The following FOCAD variants were observed in gnomAD, a reference collection of about 807,000 sequenced individuals.
FOCAD encodes the protein focadhesin.
FOCAD carries 198 observed loss-of-function variants against 225.6 expected under a neutral mutation model. The ratio of observed to expected loss-of-function variants is 0.88; its 90% CI spans 0.78 to 0.99. The LOEUF (loss-of-function observed/expected upper bound fraction) is 0.99. Among genes scored for constraint, FOCAD ranks in the 50% least tolerant of loss-of-function variants. The pLI is 0.00. For missense variants in FOCAD, 2,713 were observed against 2,123.6 expected (o/e 1.28, Z -5.46); for synonymous variants, 897 against 755.0 (o/e 1.19, Z -3.08).
At chr9:20,732,530 A>G (rs1035985968) in intron 4 of FOCAD, among the ~76,000 whole-genome samples, 2 of 152,210 alleles carry the variant, frequency 1.3e-5, no homozygotes, top group East Asian at 1.9e-4. Flanking sequence ...CAGACAGTGC[A>G]GCGCATGATT....
intron 35 of FOCAD, among the ~76,000 whole-genome samples, chr9:20,955,549 T>G (rs1838060440): frequency 6.7e-6 from 1 of 150,342 alleles, no homozygotes; most frequent in Non-Finnish European, 1.5e-5. Context: ...CTATACCATG[T>G]GACATTCTTC....
At chr9:20,779,380 A>C (rs1244952574) in intron 9 of FOCAD, among the ~76,000 whole-genome samples, 1 of 151,724 alleles carries the variant, frequency 6.6e-6, no homozygotes, top group Non-Finnish European at 1.5e-5. Context: ...AATAATCCAC[A>C]TAACAATGAG....
At chr9:20,842,571 A>G (rs1192631237) in intron 15 of FOCAD, among the ~76,000 whole-genome samples, 1 of 151,788 alleles carries the variant, frequency 6.6e-6, no homozygotes, top group Admixed American at 6.6e-5. Flanking sequence ...ATTGGCATGT[A>G]CTATCTTTTC....
chr9:20,836,636 G>T (rs1826018407), intron 15 of FOCAD, among the ~76,000 whole-genome samples: 1 of 152,000 alleles, frequency 6.6e-6, no homozygotes, highest in African/African-American at 2.4e-5. Context: ...GAAAGTTGTA[G>T]TTTGGCCTTA....
intron 4 of FOCAD, among the ~76,000 whole-genome samples, chr9:20,736,225 A>AT (rs145462404): frequency 0.15 from 22,520 of 151,852 alleles, 1,914 homozygotes; most frequent in East Asian, 0.29. Flanking sequence ...AGGTTATAGG[A>AT]TTTTTTTTAT....
chr9:20,761,429 A>AT (rs1055180206), intron 6 of FOCAD, among the ~76,000 whole-genome samples: 238 of 150,142 alleles, frequency 1.6e-3, no homozygotes, highest in African/African-American at 5.5e-3. Context: ...TTTTATTTTT[A>AT]TTTTTTTTTG....
chr9:20,820,688 TA>T (rs977487007), intron 13 of FOCAD, among the ~76,000 whole-genome samples: 4 of 152,176 alleles, frequency 2.6e-5, no homozygotes, highest in African/African-American at 4.8e-5. Context: ...AATATAGTTA[TA>T]AATGATTAGA....
chr9:20,689,751 A>G (rs1587226928), intron 1 of FOCAD, among the ~76,000 whole-genome samples: 3 of 152,330 alleles, frequency 2.0e-5, no homozygotes, highest in Admixed American at 2.0e-4. Flanking sequence ...TCTGAAGCAT[A>G]TGGCTAGCTT....
At chr9:20,979,914 A>T (rs1430104470) in intron 37 of FOCAD, among the ~76,000 whole-genome samples, 2 of 152,146 alleles carry the variant, frequency 1.3e-5, no homozygotes, top group African/African-American at 4.8e-5. Flanking sequence ...TATAGCCTAA[A>T]ATATGGCTGT....
chr9:20,862,528 A>G (rs547959748), intron 15 of FOCAD, 50 bp from the exon 16 acceptor site: 14 of 1,588,986 alleles, frequency 8.8e-6, no homozygotes, highest in African/African-American at 2.7e-5. Context: ...TAATGGCTTC[A>G]TATAGGTTGG....
chr9:20,692,426 G>C (rs112923405), intron 1 of FOCAD, among the ~76,000 whole-genome samples: 1 of 152,060 alleles, frequency 6.6e-6, no homozygotes, highest in Non-Finnish European at 1.5e-5. Context: ...CTAAGCCCCC[G>C]TTGTTTATGT....
At chr9:20,733,672 A>C (rs199720797) in intron 4 of FOCAD, among the ~76,000 whole-genome samples, 1 of 152,054 alleles carries the variant, frequency 6.6e-6, no homozygotes, top group Admixed American at 6.6e-5. Context: ...CATGTCCCTA[A>C]AAAGGACATG....
chr9:20,941,360 C>T (rs181732414), intron 28 of FOCAD, among the ~76,000 whole-genome samples: 2 of 152,302 alleles, frequency 1.3e-5, no homozygotes, highest in South Asian at 2.1e-4. Flanking sequence ...TTAATTACTA[C>T]TGAGCTTTTA....
chr9:20,944,619 C>T lies in FOCAD; in HGVS notation c.3408-8C>T. On this transcript the variant is annotated splice_region_variant and splice_polypyrimidine_tract_variant and intron_variant, in intron 28 of 43. Transcript: ENST00000338382. ...GATCCTAACATCTTATCTTTTTTGG[C>T]TTCCAAGCACGGGCTGTATATTGGG... 3 of 1,606,012 alleles carry T rather than the reference C, an allele frequency of 1.9e-6. No homozygotes were observed. The South Asian group carries it at 3.3e-5, about 18-fold the overall frequency.
intron 1 of FOCAD, among the ~76,000 whole-genome samples, chr9:20,713,080 C>G (rs757081839): frequency 4.6e-5 from 7 of 152,088 alleles, no homozygotes; most frequent in Non-Finnish European, 1.0e-4. Flanking sequence ...CATTGGCTTT[C>G]CCTTCAAATA....
intron 15 of FOCAD, among the ~76,000 whole-genome samples, chr9:20,845,442 G>GAGAGATATATATATATATATAT (rs368497237): frequency 2.5e-5 from 3 of 121,234 alleles, no homozygotes; most frequent in Non-Finnish European, 3.4e-5. Flanking sequence ...TCTTTTCCTC[G>GAGAGATATATATATATATATAT]ATATATATAT....
chr9:20,668,523 C>A (rs970838540), intron 2 of FOCAD, among the ~76,000 whole-genome samples: 4 of 152,132 alleles, frequency 2.6e-5, no homozygotes, highest in African/African-American at 9.7e-5. Flanking sequence ...CAGGCAACAT[C>A]TACATCAAAA....
In FOCAD at chr9:20,978,303, C is replaced by T. The variant is rs767782394; in HGVS notation, c.4262-36C>T. ...GCCTGAAAATGAGTCAGGAAAGTAA[C>T]TATATATTCAATTCTTTTCCTTTCT... On this transcript the variant is annotated intron_variant, in intron 36 of 43. Coordinates refer to ENST00000338382, the MANE Select transcript of FOCAD (RefSeq NM_001375567.1). 3 of 1,372,332 alleles carry T rather than the reference C, an allele frequency of 2.2e-6. No individual in the cohort carries two copies. The African/African-American group carries it at 4.3e-5, about 20-fold the overall frequency. 85.0% of individuals were successfully genotyped at this position (1,372,332 alleles called of 1,614,324 possible). A position where few individuals can be genotyped will look rare whatever the true frequency, so the allele number is the denominator to read the frequency against.
chr9:20,837,016 C>T (rs1165737902), intron 15 of FOCAD, among the ~76,000 whole-genome samples: 4 of 152,010 alleles, frequency 2.6e-5, no homozygotes, highest in African/African-American at 4.8e-5. Context: ...CCTCCAGTCC[C>T]CTTTTCTCTG....
Sources: allele counts gnomAD v4.1 joint callset (sites outside exome capture counted in the v4.1 genomes callset), GRCh38; gene constraint gnomAD v4.1.1; transcripts MANE v1.5; gene names NCBI Gene and HGNC (gene_info 2026-07-23, HGNC 2026-07-21).